STK17A: variants seen among roughly 807,000 people sequenced by gnomAD.
STK17A encodes serine/threonine-protein kinase 17A.
Under a neutral mutation model 43.7 loss-of-function variants are expected in STK17A, and 26 were observed. The ratio of observed to expected loss-of-function variants is 0.60; its 90% CI spans 0.44 to 0.83. STK17A has a LOEUF of 0.83. STK17A is among the 40% of genes least tolerant of loss of function. The probability of loss-of-function intolerance (pLI) is 0.00; values close to 1 mark genes in which losing one functional copy is unlikely to be tolerated. For synonymous variants in STK17A, 191 were observed against 182.5 expected (o/e 1.05, Z -0.38); for missense variants, 476 against 511.6 (o/e 0.93, Z 0.67).
intron 1 of STK17A, among the ~76,000 whole-genome samples, chr7:43,585,511 G>A (rs2082432545): frequency 6.6e-6 from 1 of 151,516 alleles, no homozygotes. Flanking sequence ...AGATTGTAAA[G>A]CTGCATAACA....
chr7:43,583,279 C>T lies in STK17A; in HGVS notation c.36C>T (p.Ser12=), dbSNP rs1563141110. 6.5e-7 allele frequency: 1 copy of T among 1,543,980 alleles called. No individual in the cohort carries two copies. Among genetic ancestry groups the T allele is most frequent in the Non-Finnish European group, 8.7e-7 (1 of 1,148,148 alleles). ...TGGAGAAGCCAGGCAGCGGCGGCTC[C>T]TCCCCAGGCGCCACCTCAGGCTCGG... ...IPLEKPGSGG[S]SPGATSGSGR... The change falls in exon 1 of 7, where the codon TCC becomes TCT. Residue 12 remains serine, a synonymous_variant. Coordinates refer to ENST00000319357, the MANE Select transcript of STK17A (RefSeq NM_004760.3).
At chr7:43,616,424 T>C (rs1479225460) in intron 3 of STK17A, among the ~76,000 whole-genome samples, 1 of 152,174 alleles carries the variant, frequency 6.6e-6, no homozygotes, top group Non-Finnish European at 1.5e-5. Flanking sequence ...CCAACAAATA[T>C]AAATGTGTGG....
chr7:43,596,867 CAAAAA>C (rs34131847), intron 2 of STK17A, among the ~76,000 whole-genome samples: 3 of 106,576 alleles, frequency 2.8e-5, no homozygotes, highest in African/African-American at 3.9e-5. Context: ...GACTCCATCT[CAAAAA>C]AAAAAAAAAA....
intron 3 of STK17A, among the ~76,000 whole-genome samples, chr7:43,613,966 TA>T (rs1463132110): frequency 6.6e-6 from 1 of 152,188 alleles, no homozygotes; most frequent in African/African-American, 2.4e-5. Context: ...GCAGGGGTAA[TA>T]AAAACATTCC....
At chr7:43,597,961 GATTT>G (rs959667791) in intron 2 of STK17A, among the ~76,000 whole-genome samples, 1 of 151,792 alleles carries the variant, frequency 6.6e-6, no homozygotes, top group African/African-American at 2.4e-5. Flanking sequence ...TTTAAAAGGG[GATTT>G]ATTTAGGAAA....
At chr7:43,598,584 G>T (rs551495881) in intron 2 of STK17A, among the ~76,000 whole-genome samples, 1 of 151,738 alleles carries the variant, frequency 6.6e-6, no homozygotes, top group South Asian at 2.1e-4. Flanking sequence ...GAAATACTAC[G>T]ACAAACAACC....
At chr7:43,608,594 A>G in intron 3 of STK17A, 194 bp downstream of exon 3, 1 of 525,402 alleles carries the variant, frequency 1.9e-6, no homozygotes, top group Admixed American at 3.8e-5. Context: ...TGTACATGGA[A>G]AGATACAAAA....
rs577428302 is a variant in STK17A at position 43,616,099 on chromosome 7, A to G, written c.565-3498A>G. Among the ~76,000 whole-genome samples the G allele has an allele frequency of 3.9e-5, 6 of 152,352 alleles. No individual in the cohort carries two copies. In the South Asian group the frequency reaches 1.0e-3, roughly 26 times the overall value. On this transcript the variant is annotated intron_variant, in intron 3 of 6. Transcript: ENST00000319357. ...TTCCCCAGGGCCTAGCTCATTAGGC[A>G]ATCAATAAATATTTGTTGAAAAAAT...
intron 4 of STK17A, among the ~76,000 whole-genome samples, chr7:43,620,807 G>A (rs2083808792): frequency 6.6e-6 from 1 of 152,214 alleles, no homozygotes; most frequent in South Asian, 2.1e-4. Context: ...AAGGTAGGCT[G>A]TCTGGGTCAT....
rs372394741 is a variant in STK17A at position 43,586,468 on chromosome 7, TTTA to T, written c.206+3022_206+3024del. ...GTAAATATATGATGTAAAACATTCT[TTTA>T]TTGCTTGAAGCTTGACTGGTTAAGG... is the stretch of plus-strand genomic sequence containing the variant. On this transcript the variant is annotated intron_variant, in intron 1 of 6. Coordinates refer to ENST00000319357, the MANE Select transcript of STK17A (RefSeq NM_004760.3). 8.8e-4 allele frequency among the ~76,000 whole-genome samples: 133 copies of T among 151,588 alleles called. 2 individuals carry two copies. The highest frequency in any genetic ancestry group is 3.0e-3 in the African/African-American group (125 of 41,478).
intron 1 of STK17A, among the ~76,000 whole-genome samples, chr7:43,584,597 T>G (rs1270520948): frequency 6.6e-6 from 1 of 152,186 alleles, no homozygotes; most frequent in East Asian, 1.9e-4. Context: ...AGGCAAACAA[T>G]GTAACATTGG....
intron 4 of STK17A, among the ~76,000 whole-genome samples, chr7:43,620,269 C>A (rs2083741508): frequency 6.6e-6 from 1 of 152,178 alleles, no homozygotes; most frequent in Non-Finnish European, 1.5e-5. Context: ...CTATTACTTT[C>A]TTTGATAGAC....
chr7:43,614,321 A>G (rs1309584126), intron 3 of STK17A, among the ~76,000 whole-genome samples: 1 of 152,120 alleles, frequency 6.6e-6, no homozygotes, highest in Non-Finnish European at 1.5e-5. Context: ...CTATTGATTG[A>G]CCTTGCTTCT....
At chr7:43,624,378 A>C in intron 6 of STK17A, 140 bp from the exon 7 acceptor site, 1 of 796,778 alleles carries the variant, frequency 1.3e-6, no homozygotes, top group South Asian at 2.2e-5. Context: ...CAAGACTAAT[A>C]GTTTTATTCA....
At chr7:43,606,781 G>GT (rs2082594568) in intron 2 of STK17A, among the ~76,000 whole-genome samples, 1 of 151,822 alleles carries the variant, frequency 6.6e-6, no homozygotes, top group Admixed American at 6.6e-5. Flanking sequence ...ATGGCATTTA[G>GT]TTTAGTTAAT....
At chr7:43,599,588 T>G (rs573558220) in intron 2 of STK17A, among the ~76,000 whole-genome samples, 1 of 152,214 alleles carries the variant, frequency 6.6e-6, no homozygotes, top group Non-Finnish European at 1.5e-5. Flanking sequence ...GGAATCATAT[T>G]GGGCCTCCCC....
rs1302237800 is a variant in STK17A at position 43,626,462 on chromosome 7, G to A, written c.*1620G>A. ...GGTTGCACTGTTTTCTCACTAAATT[G>A]GCTTTATTTATACAGTTTCCTGGAA... On this transcript the variant is annotated 3_prime_UTR_variant, in exon 7 of 7. Transcript: ENST00000319357. 1 of 152,086 alleles carries A rather than the reference G, an allele frequency of 6.6e-6. No homozygotes were observed. Among genetic ancestry groups the A allele is most frequent in the Non-Finnish European group, 1.5e-5 (1 of 68,020 alleles). The allele number at this position is 152,086 out of a possible 1,614,324, so 9.4% of individuals were successfully genotyped here. A position where few individuals can be genotyped will look rare whatever the true frequency, so the allele number is the denominator to read the frequency against.
At chr7:43,594,284 G>C (rs761255795) in intron 1 of STK17A, among the ~76,000 whole-genome samples, 4 of 151,986 alleles carry the variant, frequency 2.6e-5, no homozygotes, top group Non-Finnish European at 5.9e-5. Flanking sequence ...AAACCCATGG[G>C]GATGGGGATT....
intron 1 of STK17A, among the ~76,000 whole-genome samples, chr7:43,595,298 G>A (rs2082507872): frequency 8.0e-6 from 1 of 125,522 alleles, no homozygotes; most frequent in Non-Finnish European, 1.6e-5. Flanking sequence ...CCCCCCTGGA[G>A]ACAGAGTCTC....
Sources: gnomAD v4.1 joint callset for allele counts (sites outside exome capture counted in the v4.1 genomes callset) on GRCh38, gnomAD v4.1.1 for gene constraint, MANE v1.5 for transcripts, NCBI Gene and HGNC (gene_info 2026-07-23, HGNC 2026-07-21) for gene names.